DCDC2: variants seen among roughly 807,000 people sequenced by gnomAD.
DCDC2 encodes doublecortin domain-containing protein 2.
Under a neutral mutation model 50.2 loss-of-function variants are expected in DCDC2, and 40 were observed. The ratio of observed to expected loss-of-function variants is 0.80; its 90% CI spans 0.62 to 1.04. The LOEUF (loss-of-function observed/expected upper bound fraction) is 1.04. DCDC2 is among the 50% of genes least tolerant of loss of function. The pLI is 0.00. For missense variants in DCDC2, 570 were observed against 581.9 expected (o/e 0.98, Z 0.21); for synonymous variants, 234 against 210.6 (o/e 1.11, Z -0.96).
intron 2 of DCDC2, among the ~76,000 whole-genome samples, chr6:24,305,831 C>A (rs1280818079): frequency 6.6e-6 from 1 of 152,052 alleles, no homozygotes; most frequent in Non-Finnish European, 1.5e-5. Flanking sequence ...AGTTCGAGAC[C>A]AGCCATGGCC....
At chr6:24,219,987 C>A in intron 7 of DCDC2, among the ~76,000 whole-genome samples, 1 of 152,180 alleles carries the variant, frequency 6.6e-6, no homozygotes, top group East Asian at 1.9e-4. Context: ...AAGGATAATT[C>A]TGTCCTGTTC....
In DCDC2 at chr6:24,230,998, GAA is replaced by G. The variant is rs1440974348; in HGVS notation, c.923-25898_923-25897del. On this transcript the variant is annotated intron_variant, in intron 7 of 9. Transcript: ENST00000378454. ...CAAAGCAGAGTCCTAAGAGAAACTG[GAA>G]AGAGTCACTACTGAAGGGCAAAAAT... Among the ~76,000 whole-genome samples, 8 of 152,296 alleles carry G rather than the reference GAA, an allele frequency of 5.3e-5. No homozygotes were observed. In the East Asian group the frequency reaches 1.4e-3, roughly 26 times the overall value.
In DCDC2 at chr6:24,358,015, C is replaced by T; in HGVS notation, c.-265G>A. The T allele has an allele frequency of 8.0e-7, 1 of 1,251,606 alleles. No homozygotes were observed. Among genetic ancestry groups the T allele is most frequent in the Non-Finnish European group, 1.1e-6 (1 of 921,776 alleles). 77.5% of individuals were successfully genotyped at this position (1,251,606 alleles called of 1,614,324 possible). ...ATCAGGACCCGCAGTGCGCGCACCA[C>T]ACCAGGTTCACCTGCTACGGGCAGA... On this transcript the variant is annotated 5_prime_UTR_variant, in exon 1 of 10. It adds an upstream start codon to the 5' untranslated region. Transcript: ENST00000378454.
intron 8 of DCDC2, among the ~76,000 whole-genome samples, chr6:24,199,461 C>G (rs1354537375): frequency 6.6e-6 from 1 of 152,194 alleles, no homozygotes; most frequent in African/African-American, 2.4e-5. Context: ...AAAGGAATAA[C>G]ATCAACACCA....
chr6:24,259,432 T>C (rs951567767), intron 7 of DCDC2, among the ~76,000 whole-genome samples: 12 of 152,154 alleles, frequency 7.9e-5, no homozygotes, highest in Non-Finnish European at 1.5e-4. Flanking sequence ...GAAGAGTGCA[T>C]GGCCACTTTT....
chr6:24,327,829 T>G (rs371336724), intron 2 of DCDC2, among the ~76,000 whole-genome samples: 2 of 152,266 alleles, frequency 1.3e-5, no homozygotes, highest in African/African-American at 4.8e-5. Context: ...AAAATGAATA[T>G]TCTTTAAATA....
chr6:24,309,989 G>C (rs1759543910), intron 2 of DCDC2, among the ~76,000 whole-genome samples: 2 of 151,870 alleles, frequency 1.3e-5, no homozygotes, highest in African/African-American at 4.8e-5. Context: ...TTAAAAAAAA[G>C]ACAAAAACAA....
chr6:24,220,879 A>AGAGCGAGCGAGTGAGTGAGC, intron 7 of DCDC2, among the ~76,000 whole-genome samples: 1 of 107,032 alleles, frequency 9.3e-6, no homozygotes, highest in South Asian at 3.1e-4. Flanking sequence ...CAAGAGAGCG[A>AGAGCGAGCGAGTGAGTGAGC]GAGCGAGAGA....
intron 8 of DCDC2, among the ~76,000 whole-genome samples, chr6:24,181,473 T>C (rs1236066326): frequency 6.6e-6 from 1 of 152,154 alleles, no homozygotes; most frequent in Admixed American, 6.5e-5. Context: ...ATGGGTGTTG[T>C]CATTATAAAA....
intron 7 of DCDC2, among the ~76,000 whole-genome samples, chr6:24,274,491 C>A (rs758110293): frequency 2.5e-4 from 37 of 150,638 alleles, no homozygotes; most frequent in Admixed American, 3.3e-4. Context: ...AATCACCAAC[C>A]AATCCTACTT....
Position 24,357,482 on chromosome 6 carries a change from C to A in DCDC2, c.269G>T (p.Gly90Val). The A allele has an allele frequency of 1.2e-6, 2 of 1,608,904 alleles. No homozygotes were observed. The highest frequency in any genetic ancestry group is 1.7e-6 in the Non-Finnish European group (2 of 1,177,018). Residue 90 changes from glycine (G) to valine (V), a missense_variant, in exon 1 of 10, where the codon GGC becomes GTC. Gly to Val is a moderately radical substitution (Grantham distance 109, BLOSUM62 -3). Coordinates refer to ENST00000378454, the MANE Select transcript of DCDC2 (RefSeq NM_016356.5). ...CTTGAGTTTCTTGAAGGCTTCCTGG[C>A]CTCCAGCCACGTAATTGCCCCCGCT... ...IQSGGNYVAG[G>V]QEAFKKLNYL...
intron 4 of DCDC2, among the ~76,000 whole-genome samples, chr6:24,298,695 A>T (rs117193748): frequency 0.014 from 2,188 of 152,364 alleles, 17 homozygotes; most frequent in Middle Eastern, 0.044. Flanking sequence ...ATTAAATAAA[A>T]ATCCCAAAAC....
intron 7 of DCDC2, among the ~76,000 whole-genome samples, chr6:24,233,334 G>A (rs1561900335): frequency 6.6e-6 from 1 of 152,130 alleles, no homozygotes; most frequent in Admixed American, 6.5e-5. Flanking sequence ...ATGTGGCGTG[G>A]TTACTTTTTA....
intron 7 of DCDC2, among the ~76,000 whole-genome samples, chr6:24,230,102 T>A (rs529803476): frequency 2.1e-4 from 32 of 152,342 alleles, no homozygotes; most frequent in African/African-American, 7.5e-4. Flanking sequence ...ATAAAGTTTT[T>A]AAAAATCTTA....
At chr6:24,181,939 C>T (rs1227362127) in intron 8 of DCDC2, among the ~76,000 whole-genome samples, 1 of 152,120 alleles carries the variant, frequency 6.6e-6, no homozygotes, top group Non-Finnish European at 1.5e-5. Context: ...ATAACCAAAA[C>T]CAGAGTGGTC....
Position 24,174,701 on chromosome 6 carries a change from G to T in DCDC2, c.*29C>A. 1 of 1,473,592 alleles carries T rather than the reference G, an allele frequency of 6.8e-7. No individual in the cohort carries two copies. Among genetic ancestry groups the T allele is most frequent in the Non-Finnish European group, 9.5e-7 (1 of 1,056,972 alleles). 91.3% of individuals were successfully genotyped at this position (1,473,592 alleles called of 1,614,324 possible). A position where few individuals can be genotyped will look rare whatever the true frequency, so the allele number is the denominator to read the frequency against. ...TATGATAACCCTTCATTTTTCTTGC[G>T]ATCCATATACTCTCTTTTTAAAAAT... On this transcript the variant is annotated 3_prime_UTR_variant, in exon 10 of 10. Transcript: ENST00000378454.
At chr6:24,357,192 C>T (rs1422064665) in intron 1 of DCDC2, 1 of 355,942 alleles carries the variant, frequency 2.8e-6, no homozygotes, top group Non-Finnish European at 5.0e-6. Context: ...TGCAAGGATA[C>T]CTTTTTATTT....
At chr6:24,315,444 C>T (rs1255898858) in intron 2 of DCDC2, among the ~76,000 whole-genome samples, 3 of 152,108 alleles carry the variant, frequency 2.0e-5, no homozygotes, top group Non-Finnish European at 4.4e-5. Context: ...TACAGTAAAT[C>T]GTCTATGTAC....
intron 7 of DCDC2, among the ~76,000 whole-genome samples, chr6:24,238,289 C>T (rs1176035574): frequency 6.8e-6 from 1 of 148,140 alleles, no homozygotes; most frequent in East Asian, 2.0e-4. Context: ...TGTTTCATTC[C>T]ATGCATCTCA....
Sources: allele counts gnomAD v4.1 joint callset (sites outside exome capture counted in the v4.1 genomes callset), GRCh38; gene constraint gnomAD v4.1.1; transcripts MANE v1.5; gene names NCBI Gene and HGNC (gene_info 2026-07-23, HGNC 2026-07-21).